Variants in NCAN observed in about 807,000 individuals in gnomAD.
NCAN encodes the protein neurocan core protein.
NCAN carries 47 observed loss-of-function variants against 121.8 expected under a neutral mutation model. The ratio of observed to expected loss-of-function variants is 0.39; its 90% CI spans 0.31 to 0.49. The LOEUF is 0.49. Among genes scored for constraint, NCAN ranks in the 20% least tolerant of loss-of-function variants. The pLI is 0.92. For synonymous variants in NCAN, 633 were observed against 702.0 expected, an observed-to-expected ratio of 0.90 and a Z score of 1.55; for missense variants, 1,517 against 1,773.4, an observed-to-expected ratio of 0.86 and a Z score of 2.60.
At chr19:19,246,658 C>T (rs570314383) in intron 13 of NCAN, among the ~76,000 whole-genome samples, 17 of 151,918 alleles carry the variant, frequency 1.1e-4, no homozygotes, top group Admixed American at 5.2e-4. Context: ...CTCAGCCTCC[C>T]GAGTAGCTGG....
chr19:19,246,091 G>T (rs2060923466), intron 13 of NCAN, among the ~76,000 whole-genome samples: 1 of 152,128 alleles, frequency 6.6e-6, no homozygotes, highest in Admixed American at 6.5e-5. Flanking sequence ...AGGCTGGAGT[G>T]CAAAGGCATG....
Position 19,233,780 on chromosome 19 carries a change from A to T in NCAN, c.3020-9A>T, listed in dbSNP as rs1385458661. 6.4e-7 allele frequency: 1 copy of T among 1,573,502 alleles called. No individual in the cohort carries two copies. Among genetic ancestry groups the T allele is most frequent in the African/African-American group, 1.3e-5 (1 of 74,088 alleles). On this transcript the variant is annotated splice_polypyrimidine_tract_variant and intron_variant, in intron 8 of 14. Coordinates refer to ENST00000252575, the MANE Select transcript of NCAN (RefSeq NM_004386.3). The stretch of plus-strand genomic sequence containing the variant: ...TGACTCTTCCCCACACTACCCATCC[A>T]TCCTGCAGTGCACTCAGATCCCTGT...
At chr19:19,239,077 G>A (rs1312258263) in intron 11 of NCAN, among the ~76,000 whole-genome samples, 1 of 151,598 alleles carries the variant, frequency 6.6e-6, no homozygotes, top group Admixed American at 6.6e-5. Context: ...CCTCCTGAGC[G>A]ACTGGCTCGC....
In NCAN at chr19:19,233,826, T is replaced by C. The variant is rs948669055; in HGVS notation, c.3057T>C (p.His1019=). Residue 1019 remains histidine, a synonymous_variant, in exon 9 of 15, where the codon CAT becomes CAC. Coordinates refer to ENST00000252575, the MANE Select transcript of NCAN (RefSeq NM_004386.3). ...SDPCENNPCL[H]GGTCNANGTM... ...CCTGTGAGAACAACCCTTGTCTTCA[T>C]GGAGGGACATGTAATGCCAATGGCA... The C allele has an allele frequency of 3.1e-6, 5 of 1,613,880 alleles. No homozygotes were observed. The African/African-American group carries it at 6.7e-5, about 22-fold the overall frequency.
At chr19:19,234,344 A>G (rs1253549277) in intron 9 of NCAN, among the ~76,000 whole-genome samples, 1 of 152,174 alleles carries the variant, frequency 6.6e-6, no homozygotes, top group Admixed American at 6.6e-5. Flanking sequence ...TTTGAGCTCT[A>G]TGTGTCATCT....
At chr19:19,239,578 C>A in intron 11 of NCAN, among the ~76,000 whole-genome samples, 1 of 118,104 alleles carries the variant, frequency 8.5e-6, no homozygotes, top group Admixed American at 8.1e-5. Flanking sequence ...CCTCCCTCCC[C>A]TCCTCCCTCT....
In NCAN at chr19:19,219,250, C is replaced by A; in HGVS notation, c.409C>A (p.Leu137Met). The change falls in exon 3 of 15, where the codon CTG becomes ATG. Residue 137 changes from leucine to methionine, a missense_variant. Physicochemically the swap from Leu to Met is conservative, Grantham distance 15. Coordinates refer to ENST00000252575, the MANE Select transcript of NCAN (RefSeq NM_004386.3). The part of the protein sequence containing the change: ...LGPLRASDSG[L>M]YRCQVVRGIE... Reference sequence around the variant, plus strand: ...GCCACTGAGGGCCAGTGACTCTGGGCTGTACCGCTGCCAGGTGGTGAGGGG... The same window carrying A: ...GCCACTGAGGGCCAGTGACTCTGGGATGTACCGCTGCCAGGTGGTGAGGGG... The A allele has an allele frequency of 6.2e-7, 1 of 1,601,650 alleles. No homozygotes were observed.
chr19:19,235,562 G>T (rs2146549768), intron 10 of NCAN, among the ~76,000 whole-genome samples: 1 of 150,862 alleles, frequency 6.6e-6, no homozygotes, highest in South Asian at 2.1e-4. Flanking sequence ...ATGTGCCACT[G>T]CGCCTGCCCT....
intron 1 of NCAN, among the ~76,000 whole-genome samples, chr19:19,215,044 C>T (rs1258775600): frequency 1.3e-5 from 2 of 152,208 alleles, no homozygotes; most frequent in Non-Finnish European, 2.9e-5. Context: ...CTCTAGCCCT[C>T]TCTGGTCCCT....
At position 19,228,493 on chromosome 19, in the gene NCAN, C is replaced by T; in HGVS notation, c.2873C>T (p.Thr958Ile). The T allele has an allele frequency of 1.1e-5, 18 of 1,613,556 alleles. No homozygotes were observed. The highest frequency in any genetic ancestry group is 1.4e-5 in the Non-Finnish European group (17 of 1,180,040). The change falls in exon 8 of 15, where the codon ACC becomes ATC. Residue 958 changes from threonine (T) to isoleucine (I), a missense_variant. Thr to Ile is a moderately conservative substitution (Grantham distance 89). Coordinates refer to ENST00000252575, the MANE Select transcript of NCAN (RefSeq NM_004386.3). ...EPTVPWDPSS[T>I]LLPVTLGIED... is the part of the protein sequence containing the mutation. ...ACGGTACCGTGGGACCCCTCCAGCA[C>T]CCTGCTGCCTGTCACCCTGGGCATA...
At chr19:19,244,468 C>T (rs755615974) in intron 12 of NCAN, among the ~76,000 whole-genome samples, 5 of 151,530 alleles carry the variant, frequency 3.3e-5, no homozygotes, top group Non-Finnish European at 7.4e-5. Flanking sequence ...ACCATCATGC[C>T]CGGCTAATTT....
At chr19:19,243,086 T>C (rs2060909738) in intron 12 of NCAN, among the ~76,000 whole-genome samples, 1 of 152,098 alleles carries the variant, frequency 6.6e-6, no homozygotes, top group Non-Finnish European at 1.5e-5. Flanking sequence ...TGTATGATTT[T>C]TTTTTTTCAT....
rs1160284519 is a variant in NCAN, at chr19:19,228,414, A to G, written c.2794A>G (p.Thr932Ala). ...AGGGAAACCGGCTGTTCCTCCTGGG[A>G]CACCGACTGCAGCCAGTGTGGGCGA... ...PLGKPAVPPG[T>A]PTAASVGESA... The change falls in exon 8 of 15, where the codon ACA (threonine) becomes GCA (alanine). Residue 932 changes from threonine to alanine, a missense_variant. Coordinates refer to ENST00000252575, the MANE Select transcript of NCAN (RefSeq NM_004386.3). 1.9e-6 allele frequency: 3 copies of G among 1,613,452 alleles called. No individual in the cohort carries two copies. The highest frequency in any genetic ancestry group is 2.5e-6 in the Non-Finnish European group (3 of 1,180,012).
Position 19,228,071 on chromosome 19 carries a change from G to C in NCAN, c.2451G>C (p.Trp817Cys). The C allele has an allele frequency of 6.2e-7, 1 of 1,613,510 alleles. No homozygotes were observed. The highest frequency in any genetic ancestry group is 8.5e-7 in the Non-Finnish European group (1 of 1,180,018). Residue 817 changes from tryptophan (W) to cysteine (C), a missense_variant, in exon 8 of 15, where the codon TGG (tryptophan) becomes TGC (cysteine). Physicochemically the swap from Trp to Cys is radical, Grantham distance 215. Coordinates refer to ENST00000252575, the MANE Select transcript of NCAN (RefSeq NM_004386.3). Reference sequence around the variant, plus strand: ...AAGTCACCCCAAATTTGGAGCCTTGGGTTGCTACAGATGAAGGACCCACTG... The same window carrying C: ...AAGTCACCCCAAATTTGGAGCCTTGCGTTGCTACAGATGAAGGACCCACTG... ...VPKVTPNLEP[W>C]VATDEGPTVN...
At chr19:19,228,967 G>A (rs1044724998) in intron 8 of NCAN, among the ~76,000 whole-genome samples, 1 of 152,204 alleles carries the variant, frequency 6.6e-6, no homozygotes, top group African/African-American at 2.4e-5. Context: ...CAGCACTTTG[G>A]GAGGCTGAGG....
chr19:19,232,666 G>A (rs1484737490), intron 8 of NCAN, among the ~76,000 whole-genome samples: 1 of 152,198 alleles, frequency 6.6e-6, no homozygotes, highest in Non-Finnish European at 1.5e-5. Context: ...ACTTTCCCAG[G>A]GATGGAAATG....
chr19:19,231,224 G>C (rs1343049289), intron 8 of NCAN, among the ~76,000 whole-genome samples: 1 of 152,008 alleles, frequency 6.6e-6, no homozygotes, highest in Non-Finnish European at 1.5e-5. Context: ...TCCTTACTTT[G>C]CAGATAGGGA....
chr19:19,224,875 C>T, intron 5 of NCAN, 102 bp from the exon 6 acceptor site: 2 of 1,078,210 alleles, frequency 1.9e-6, no homozygotes, highest in Non-Finnish European at 2.5e-6. Context: ...CTAACCACCA[C>T]CCTAACACGT....
intron 12 of NCAN, among the ~76,000 whole-genome samples, chr19:19,240,935 TC>T (rs2060901195): frequency 6.6e-6 from 1 of 152,074 alleles, no homozygotes; most frequent in African/African-American, 2.4e-5. Context: ...GTCTGATGCC[TC>T]CCCTACTCAC....
Sources: allele counts gnomAD v4.1 joint callset (sites outside exome capture counted in the v4.1 genomes callset), GRCh38; gene constraint gnomAD v4.1.1; transcripts MANE v1.5; gene names NCBI Gene and HGNC (gene_info 2026-07-23, HGNC 2026-07-21).